PCDH15: variants seen among roughly 807,000 people sequenced by gnomAD.
PCDH15 encodes protocadherin related 15.
In PCDH15, 129 loss-of-function variants were observed where a neutral mutation model predicts 178.5. The ratio of observed to expected loss-of-function variants is 0.72; its 90% CI spans 0.63 to 0.84. PCDH15 has a LOEUF of 0.84. Among genes scored for constraint, PCDH15 ranks in the 40% least tolerant of loss-of-function variants. The pLI is 0.00. For synonymous variants in PCDH15, 800 were observed against 732.0 expected (o/e 1.09, Z -1.50); for missense variants, 2,230 against 2,099.9 (o/e 1.06, Z -1.21).
chr10:53,978,137 G>A (rs2090341497), intron 21 of PCDH15, among the ~76,000 whole-genome samples: 1 of 152,168 alleles, frequency 6.6e-6, no homozygotes, highest in African/African-American at 2.4e-5. Context: ...ACTAGGCAGT[G>A]CACCAGTGGG....
At chr10:54,197,488 TTA>T in intron 10 of PCDH15, among the ~76,000 whole-genome samples, 1 of 152,236 alleles carries the variant, frequency 6.6e-6, no homozygotes. Context: ...TTAATTTTTG[TTA>T]TGTTTTCCCC....
At chr10:55,207,269 T>C (rs1840428163) in intron 1 of PCDH15, among the ~76,000 whole-genome samples, 1 of 152,120 alleles carries the variant, frequency 6.6e-6, no homozygotes. Flanking sequence ...GTATGCCATA[T>C]GTTGAGACAC....
chr10:54,088,255 G>A (rs1444019612), intron 16 of PCDH15, among the ~76,000 whole-genome samples: 1 of 152,150 alleles, frequency 6.6e-6, no homozygotes. Flanking sequence ...AAGTATGTAT[G>A]AAGTCAAATC....
intron 2 of PCDH15, among the ~76,000 whole-genome samples, chr10:54,995,042 G>A (rs1839602447): frequency 1.3e-5 from 2 of 152,040 alleles, no homozygotes; most frequent in Non-Finnish European, 2.9e-5. Flanking sequence ...GGTAGTTATC[G>A]TAGGTTTTAT....
chr10:54,016,433 T>A (rs996260068), intron 20 of PCDH15, among the ~76,000 whole-genome samples: 1 of 152,148 alleles, frequency 6.6e-6, no homozygotes, highest in East Asian at 1.9e-4. Flanking sequence ...CATGTATCAT[T>A]AGTATCATGC....
chr10:55,099,164 G>A (rs1842520051), intron 2 of PCDH15, among the ~76,000 whole-genome samples: 1 of 151,984 alleles, frequency 6.6e-6, no homozygotes, highest in Admixed American at 6.6e-5. Context: ...CTGGCCTCTA[G>A]GGGTTCTCCT....
chr10:53,927,223 A>G (rs375008979), intron 25 of PCDH15, among the ~76,000 whole-genome samples: 5 of 152,088 alleles, frequency 3.3e-5, no homozygotes, highest in African/African-American at 1.2e-4. Context: ...GACCCACAAA[A>G]CCTTTACCAA....
chr10:54,014,907 A>G (rs1056458167), intron 20 of PCDH15, among the ~76,000 whole-genome samples: 8 of 152,164 alleles, frequency 5.3e-5, no homozygotes, highest in African/African-American at 1.9e-4. Context: ...AGTCCTGGCT[A>G]GAGCAATAAA....
intron 3 of PCDH15, among the ~76,000 whole-genome samples, chr10:54,844,340 A>G (rs946599381): frequency 3.9e-5 from 6 of 152,032 alleles, no homozygotes; most frequent in Non-Finnish European, 8.8e-5. Flanking sequence ...AGATGCTAGA[A>G]CTCAAGAACA....
intron 25 of PCDH15, among the ~76,000 whole-genome samples, chr10:53,914,497 A>C (rs1349189040): frequency 1.3e-5 from 2 of 152,210 alleles, no homozygotes; most frequent in African/African-American, 2.4e-5. Context: ...CATCATTCTT[A>C]GCAAACTATT....
At chr10:54,943,906 G>T (rs920140861) in intron 2 of PCDH15, among the ~76,000 whole-genome samples, 1 of 151,076 alleles carries the variant, frequency 6.6e-6, no homozygotes, top group Non-Finnish European at 1.5e-5. Context: ...ATCTCTTAAA[G>T]AGAAGATAAA....
chr10:55,552,108 G>A (rs1408837532), intron 2 of PCDH15, among the ~76,000 whole-genome samples: 8 of 151,594 alleles, frequency 5.3e-5, no homozygotes, highest in Admixed American at 6.6e-5. Context: ...TTCATACTGC[G>A]TAGTCAGACT....
chr10:53,852,432 G>A (rs958989976), intron 28 of PCDH15, among the ~76,000 whole-genome samples: 1 of 151,998 alleles, frequency 6.6e-6, no homozygotes, highest in African/African-American at 2.4e-5. Context: ...AATTAAAAAG[G>A]TATATGTTTC....
chr10:55,011,899 CAT>C (rs1564714461), intron 2 of PCDH15, among the ~76,000 whole-genome samples: 1 of 152,072 alleles, frequency 6.6e-6, no homozygotes, highest in Non-Finnish European at 1.5e-5. Context: ...CTAATAGAGA[CAT>C]AGCACTCAAA....
chr10:53,947,429 T>A (rs866721814), intron 23 of PCDH15, among the ~76,000 whole-genome samples: 67 of 152,258 alleles, frequency 4.4e-4, no homozygotes, highest in African/African-American at 1.6e-3. Context: ...GCTTTCTTTG[T>A]ACTAAGAGAC....
chr10:53,842,345 C>T (rs896522614), intron 28 of PCDH15, among the ~76,000 whole-genome samples: 3 of 152,158 alleles, frequency 2.0e-5, no homozygotes, highest in African/African-American at 7.2e-5. Flanking sequence ...CAACCTCCAC[C>T]TCCCGGGTTC....
intron 2 of PCDH15, among the ~76,000 whole-genome samples, chr10:54,613,530 C>T (rs1362880504): frequency 6.6e-6 from 1 of 151,524 alleles, no homozygotes; most frequent in African/African-American, 2.4e-5. Flanking sequence ...CACACTCACA[C>T]ACATACACAT....
intron 1 of PCDH15, among the ~76,000 whole-genome samples, chr10:55,309,125 C>T (rs1298711637): frequency 2.0e-5 from 3 of 152,140 alleles, no homozygotes; most frequent in East Asian, 1.9e-4. Flanking sequence ...GTAATTTAAG[C>T]GTTCTCTTAC....
intron 5 of PCDH15, among the ~76,000 whole-genome samples, chr10:54,359,517 T>C (rs1193873442): frequency 6.6e-6 from 1 of 151,974 alleles, no homozygotes; most frequent in African/African-American, 2.4e-5. Flanking sequence ...TCCATTACCA[T>C]TTTCATTATA....
Sources: allele counts gnomAD v4.1 joint callset (sites outside exome capture counted in the v4.1 genomes callset), GRCh38; gene constraint gnomAD v4.1.1; transcripts MANE v1.5; gene names NCBI Gene and HGNC (gene_info 2026-07-23, HGNC 2026-07-21).